Variants in VAV2 observed in about 807,000 individuals in gnomAD.
VAV2 encodes guanine nucleotide exchange factor VAV2.
A neutral mutation model predicts 132.5 loss-of-function variants in VAV2; 67 were observed. That is an observed-to-expected ratio of 0.51 (90% CI 0.42 to 0.62). The LOEUF is 0.62. Among genes scored for constraint, VAV2 ranks in the 20% least tolerant of loss-of-function variants. VAV2 has a pLI of 0.00. For missense variants in VAV2, 938 were observed against 1,153.6 expected, an observed-to-expected ratio of 0.81 and a Z score of 2.71; for synonymous variants, 492 against 443.5, an observed-to-expected ratio of 1.11 and a Z score of -1.37.
chr9:133,799,814 T>A (rs1403434713), intron 9 of VAV2, among the ~76,000 whole-genome samples: 1 of 150,928 alleles, frequency 6.6e-6, no homozygotes, highest in African/African-American at 2.4e-5. Context: ...AAGCCCCCGG[T>A]AGAGTAGGAG....
intron 2 of VAV2, among the ~76,000 whole-genome samples, chr9:133,907,041 C>T (rs1371314015): frequency 3.3e-5 from 5 of 152,282 alleles, no homozygotes; most frequent in Admixed American, 2.0e-4. Flanking sequence ...CCTGGCTGGC[C>T]GGCGGCGGGG....
chr9:133,793,275 C>G (rs957474527), intron 12 of VAV2, among the ~76,000 whole-genome samples: 1 of 152,074 alleles, frequency 6.6e-6, no homozygotes, highest in Admixed American at 6.5e-5. Flanking sequence ...CCCTGCCCCC[C>G]GAGAGCAGCG....
intron 2 of VAV2, among the ~76,000 whole-genome samples, chr9:133,901,664 C>T (rs962577606): frequency 1.3e-5 from 2 of 152,224 alleles, no homozygotes; most frequent in East Asian, 1.9e-4. Context: ...CCTGCCGGCC[C>T]GGCCTGGTGA....
chr9:133,940,021 G>A (rs568896047), intron 1 of VAV2, among the ~76,000 whole-genome samples: 1 of 152,366 alleles, frequency 6.6e-6, no homozygotes, highest in Non-Finnish European at 1.5e-5. Context: ...TCCTCGTGGA[G>A]AAACAGCTTG....
intron 13 of VAV2, among the ~76,000 whole-genome samples, chr9:133,790,628 T>C (rs1334024642): frequency 6.6e-6 from 1 of 152,248 alleles, no homozygotes; most frequent in Non-Finnish European, 1.5e-5. Context: ...CAGGTGCTGA[T>C]GGTGCAGGGT....
intron 1 of VAV2, among the ~76,000 whole-genome samples, chr9:133,944,118 G>A (rs1266379964): frequency 3.9e-5 from 6 of 152,180 alleles, no homozygotes; most frequent in Non-Finnish European, 8.8e-5. Flanking sequence ...GGACAGTCAC[G>A]TCTCTTTAGG....
At chr9:133,796,371 G>A in intron 11 of VAV2, 58 bp downstream of exon 11, 7 of 1,493,696 alleles carry the variant, frequency 4.7e-6, no homozygotes, top group Middle Eastern at 1.7e-4. Flanking sequence ...GAAGCTGCCA[G>A]CCCTCATCTG....
intron 4 of VAV2, among the ~76,000 whole-genome samples, chr9:133,830,328 C>A (rs1403695975): frequency 6.6e-6 from 1 of 152,196 alleles, no homozygotes; most frequent in Non-Finnish European, 1.5e-5. Flanking sequence ...TGTGTCCCCA[C>A]CCAAATCTCA....
chr9:133,909,813 C>G (rs559608879), intron 2 of VAV2, among the ~76,000 whole-genome samples: 4 of 152,366 alleles, frequency 2.6e-5, no homozygotes, highest in Non-Finnish European at 4.4e-5. Flanking sequence ...AACATGCCCT[C>G]TTACATCCCA....
At chr9:133,892,988 T>A (rs1456336685) in intron 2 of VAV2, among the ~76,000 whole-genome samples, 1 of 152,276 alleles carries the variant, frequency 6.6e-6, no homozygotes, top group African/African-American at 2.4e-5. Flanking sequence ...AGGAACACCA[T>A]CTTCCTGGTC....
chr9:133,984,784 T>C (rs2132302829), intron 1 of VAV2, among the ~76,000 whole-genome samples: 1 of 152,136 alleles, frequency 6.6e-6, no homozygotes, highest in East Asian at 1.9e-4. Flanking sequence ...GGCAAAAGCC[T>C]ATAGTCCCAG....
At chr9:133,930,426 T>C (rs1466586711) in intron 2 of VAV2, among the ~76,000 whole-genome samples, 1 of 83,094 alleles carries the variant, frequency 1.2e-5, no homozygotes, top group African/African-American at 3.9e-5. Flanking sequence ...CTCACTGTCC[T>C]CCGGCATCCT....
intron 3 of VAV2, among the ~76,000 whole-genome samples, chr9:133,839,728 CG>C (rs1271198144): frequency 6.6e-6 from 1 of 152,154 alleles, no homozygotes; most frequent in East Asian, 1.9e-4. Context: ...GGATTACAGG[CG>C]TGAGCCACCA....
chr9:133,934,993 A>G (rs1840852657), intron 2 of VAV2, among the ~76,000 whole-genome samples: 1 of 152,028 alleles, frequency 6.6e-6, no homozygotes. Flanking sequence ...GTAGCCCTGG[A>G]GTCCCCAGCC....
chr9:133,813,958 A>G (rs756777), intron 4 of VAV2, among the ~76,000 whole-genome samples: 42,320 of 152,192 alleles, frequency 0.28, 6,745 homozygotes, highest in African/African-American at 0.44. Flanking sequence ...GAGGTTAAAC[A>G]GCCAGCAAGG....
At chr9:133,851,811 G>A (rs977702440) in intron 3 of VAV2, among the ~76,000 whole-genome samples, 3 of 144,400 alleles carry the variant, frequency 2.1e-5, no homozygotes, top group African/African-American at 5.4e-5. Flanking sequence ...ATGGATGGAT[G>A]GATGGATGGA....
rs553610570 is a variant in VAV2 at position 133,789,364 on chromosome 9, C to T, written c.1189-21G>A. On this transcript the variant is annotated intron_variant, in intron 13 of 29. Transcript: ENST00000371850. ...ACTTGCTGGGAAGAAGGAGAGGGGCCGTCAGCCGGGGCTGGAGCAGCCCCA... is the reference window on the plus strand; with the variant it reads ...ACTTGCTGGGAAGAAGGAGAGGGGCTGTCAGCCGGGGCTGGAGCAGCCCCA... The T allele has an allele frequency of 9.3e-6, 15 of 1,613,246 alleles. No homozygotes were observed. In the Admixed American group the frequency reaches 1.2e-4, roughly 13 times the overall value.
intron 5 of VAV2, among the ~76,000 whole-genome samples, chr9:133,811,006 C>T (rs911378337): frequency 6.6e-6 from 1 of 152,200 alleles, no homozygotes; most frequent in Non-Finnish European, 1.5e-5. Flanking sequence ...AGGCCAGCTC[C>T]GGGGAGGCGA....
chr9:133,861,207 A>C (rs1588280797), intron 3 of VAV2, 167 bp downstream of exon 3: 3 of 636,634 alleles, frequency 4.7e-6, no homozygotes, highest in East Asian at 3.2e-5. Flanking sequence ...CGCCCCCCAC[A>C]CCCCTTCCTG....
Sources: allele counts gnomAD v4.1 joint callset (sites outside exome capture counted in the v4.1 genomes callset), GRCh38; gene constraint gnomAD v4.1.1; transcripts MANE v1.5; gene names NCBI Gene and HGNC (gene_info 2026-07-23, HGNC 2026-07-21).